The following MCPH1 variants were observed in gnomAD, a reference collection of about 807,000 sequenced individuals.
MCPH1 encodes microcephalin.
In MCPH1, 104 loss-of-function variants were observed where a neutral mutation model predicts 84.5. The ratio of observed to expected loss-of-function variants is 1.23; its 90% confidence interval spans 1.05 to 1.45. The LOEUF (loss-of-function observed/expected upper bound fraction) is 1.45. Ranked by LOEUF, MCPH1 falls within the 40% of genes most tolerant of loss-of-function variation. The probability of loss-of-function intolerance (pLI) is 0.00; values close to 1 mark genes in which losing one functional copy is unlikely to be tolerated. For synonymous variants in MCPH1, 514 were observed against 366.8 expected (o/e 1.40, Z -4.58); for missense variants, 1,498 against 1,005.7 (o/e 1.49, Z -6.62).
intron 3 of MCPH1, among the ~76,000 whole-genome samples, chr8:6,417,027 A>C (rs1799406954): frequency 6.6e-6 from 1 of 151,048 alleles, no homozygotes; most frequent in South Asian, 2.1e-4. Flanking sequence ...GGCTTTTGTC[A>C]AGATTTTCTC....
intron 12 of MCPH1, among the ~76,000 whole-genome samples, chr8:6,585,216 C>T (rs926915319): frequency 2.0e-5 from 3 of 152,214 alleles, no homozygotes; most frequent in Non-Finnish European, 2.9e-5. Context: ...GGGTACTCCA[C>T]GGGGAGAGGA....
intron 12 of MCPH1, among the ~76,000 whole-genome samples, chr8:6,610,517 C>G (rs1286990845): frequency 6.6e-6 from 1 of 152,194 alleles, no homozygotes; most frequent in African/African-American, 2.4e-5. Context: ...CCATAATCTT[C>G]CTCCAGTCTG....
At chr8:6,550,456 G>C (rs553008836) in intron 12 of MCPH1, among the ~76,000 whole-genome samples, 2 of 152,346 alleles carry the variant, frequency 1.3e-5, no homozygotes, top group South Asian at 4.1e-4. Context: ...TCAGCATCCA[G>C]CGCGTCCTCA....
chr8:6,474,294 A>T (rs1808149732), intron 9 of MCPH1: 2 of 518,262 alleles, frequency 3.9e-6, no homozygotes, highest in East Asian at 6.7e-5. Context: ...TTTGATTCTG[A>T]TATGTGGTTT....
chr8:6,598,932 C>T (rs1346564374), intron 12 of MCPH1, among the ~76,000 whole-genome samples: 8 of 152,250 alleles, frequency 5.3e-5, no homozygotes, highest in Non-Finnish European at 7.3e-5. Flanking sequence ...TGCACACACG[C>T]ACATGCAGCC....
At chr8:6,586,726 C>T (rs1828016054) in intron 12 of MCPH1, among the ~76,000 whole-genome samples, 1 of 152,204 alleles carries the variant, frequency 6.6e-6, no homozygotes, top group Non-Finnish European at 1.5e-5. Context: ...TCAAGCCATT[C>T]ATTTCTATGG....
intron 11 of MCPH1, among the ~76,000 whole-genome samples, chr8:6,496,532 T>G (rs1251194755): frequency 1.7e-5 from 2 of 114,874 alleles, no homozygotes; most frequent in Non-Finnish European, 1.6e-5. Flanking sequence ...CCCGCCCCCC[T>G]TCCCCCGCCT....
intron 12 of MCPH1, among the ~76,000 whole-genome samples, chr8:6,542,076 G>A (rs760700390): frequency 1.6e-4 from 24 of 151,652 alleles, no homozygotes; most frequent in Admixed American, 5.3e-4. Context: ...TTTAGCTCTA[G>A]GAATGAGATT....
intron 9 of MCPH1, chr8:6,473,804 A>G (rs1808079537): frequency 8.9e-7 from 1 of 1,129,540 alleles, no homozygotes; most frequent in East Asian, 2.5e-5. Context: ...GCAGAGAGAT[A>G]TCAGCAAGAG....
At chr8:6,439,342 TATC>T (rs1456045540) in intron 6 of MCPH1, among the ~76,000 whole-genome samples, 2 of 149,668 alleles carry the variant, frequency 1.3e-5, no homozygotes, top group Non-Finnish European at 3.0e-5. Context: ...TAATTTCTAT[TATC>T]TTTGGAATTT....
At position 6,480,729 on chromosome 8, in the gene MCPH1, C is replaced by T; in HGVS notation, c.1989C>T (p.Val663=). Residue 663 remains valine (V), a synonymous_variant, in exon 11 of 14, where the codon GTC becomes GTT. Transcript: ENST00000344683. The part of the protein sequence containing the change: ...TSMPSEKQNV[V]IQVVDKLKGF... Reference sequence around the variant, plus strand: ...GATTTGACAGAAAGCAGAATGTCGTCATCCAGGTTGTGGATAAATTGAAAG... The same window carrying T: ...GATTTGACAGAAAGCAGAATGTCGTTATCCAGGTTGTGGATAAATTGAAAG... 1 of 1,614,180 alleles carries T rather than the reference C, an allele frequency of 6.2e-7. No individual in the cohort carries two copies. Among genetic ancestry groups the T allele is most frequent in the Non-Finnish European group, 8.5e-7 (1 of 1,180,032 alleles).
At chr8:6,425,063 G>C (rs1402924544) in intron 3 of MCPH1, among the ~76,000 whole-genome samples, 1 of 152,224 alleles carries the variant, frequency 6.6e-6, no homozygotes, top group East Asian at 1.9e-4. Context: ...CCAGGTGAAG[G>C]CATCGTCCTA....
intron 3 of MCPH1, among the ~76,000 whole-genome samples, chr8:6,428,900 G>A (rs1030062910): frequency 2.9e-5 from 3 of 103,014 alleles, no homozygotes; most frequent in Admixed American, 1.2e-4. Context: ...TAAGCTGTTC[G>A]GTGACCTCCA....
chr8:6,436,093 A>C lies in MCPH1; in HGVS notation c.367A>C (p.Asn123His). 2.5e-6 allele frequency: 4 copies of C among 1,613,874 alleles called. No homozygotes were observed. Among genetic ancestry groups the C allele is most frequent in the Non-Finnish European group, 3.4e-6 (4 of 1,179,832 alleles). Residue 123 changes from asparagine to histidine, a missense_variant, in exon 5 of 14, where the codon AAT (asparagine) becomes CAT (histidine). By Grantham distance (68) the Asn-to-His change is moderately conservative. Transcript: ENST00000344683. Reference protein sequence around the residue: ...PKDFNFKTPENDKRFQKKFEK... With the variant: ...PKDFNFKTPEHDKRFQKKFEK... ...AGATTTTAATTTTAAAACACCAGAAAATGATAAGAGATTTCAGAAGAAATT... is the reference window on the plus strand; with the variant it reads ...AGATTTTAATTTTAAAACACCAGAACATGATAAGAGATTTCAGAAGAAATT...
chr8:6,479,676 C>G (rs1189496202), intron 10 of MCPH1, among the ~76,000 whole-genome samples: 2 of 151,926 alleles, frequency 1.3e-5, no homozygotes, highest in Non-Finnish European at 2.9e-5. Flanking sequence ...AGAAAGCCCT[C>G]CATTGGGGAT....
chr8:6,615,078 T>C (rs760985547), intron 12 of MCPH1, among the ~76,000 whole-genome samples: 4 of 152,214 alleles, frequency 2.6e-5, no homozygotes, highest in Admixed American at 1.3e-4. Context: ...CCTCATCACT[T>C]GGCGTGCATG....
intron 3 of MCPH1, among the ~76,000 whole-genome samples, chr8:6,415,220 G>C (rs1018428705): frequency 6.6e-6 from 1 of 151,756 alleles, no homozygotes; most frequent in Non-Finnish European, 1.5e-5. Flanking sequence ...GGTCGCTTGA[G>C]CAACAGAAAA....
chr8:6,628,188 A>G (rs3020262), intron 13 of MCPH1, among the ~76,000 whole-genome samples: 1 of 152,012 alleles, frequency 6.6e-6, no homozygotes, highest in African/African-American at 2.4e-5. Flanking sequence ...AAGCGTATTA[A>G]GGCTGGGCGC....
intron 2 of MCPH1, among the ~76,000 whole-genome samples, chr8:6,410,632 G>T (rs1054054407): frequency 1.3e-5 from 2 of 152,148 alleles, no homozygotes; most frequent in South Asian, 4.1e-4. Context: ...CGATCACTTT[G>T]ATGACGGGTT....
Sources: allele counts gnomAD v4.1 joint callset (sites outside exome capture counted in the v4.1 genomes callset), GRCh38; gene constraint gnomAD v4.1.1; transcripts MANE v1.5; gene names NCBI Gene and HGNC (gene_info 2026-07-23, HGNC 2026-07-21).